The following MCC variants were observed in gnomAD, a reference collection of about 807,000 sequenced individuals.
The protein encoded by MCC is colorectal mutant cancer protein.
A neutral mutation model predicts 116.2 loss-of-function variants in MCC; 90 were observed. The ratio of observed to expected loss-of-function variants is 0.77; its 90% CI spans 0.65 to 0.92. The LOEUF is 0.92. MCC is among the 40% of genes least tolerant of loss of function. The pLI is 0.00. For missense variants in MCC, 1,516 were observed against 1,312.2 expected, an observed-to-expected ratio of 1.16 and a Z score of -2.40; for synonymous variants, 578 against 510.5, an observed-to-expected ratio of 1.13 and a Z score of -1.78.
intron 6 of MCC, among the ~76,000 whole-genome samples, chr5:113,108,782 G>A (rs192733705): frequency 3.4e-4 from 52 of 152,224 alleles, no homozygotes; most frequent in Non-Finnish European, 6.3e-4. Context: ...TCAAACCAAT[G>A]AGGGCTACAC....
intron 11 of MCC, among the ~76,000 whole-genome samples, chr5:113,073,492 C>T (rs768585033): frequency 1.8e-4 from 27 of 152,160 alleles, no homozygotes; most frequent in Non-Finnish European, 2.4e-4. Context: ...AAAATTTGTC[C>T]GTGGCATCAA....
intron 3 of MCC, among the ~76,000 whole-genome samples, chr5:113,167,611 A>C (rs1224518712): frequency 6.6e-6 from 1 of 151,990 alleles, no homozygotes; most frequent in East Asian, 1.9e-4. Flanking sequence ...ACCTACAACC[A>C]CCACCTTCCC....
At chr5:113,315,837 C>T (rs1767266575) in intron 3 of MCC, among the ~76,000 whole-genome samples, 1 of 151,974 alleles carries the variant, frequency 6.6e-6, no homozygotes, top group Non-Finnish European at 1.5e-5. Context: ...ATGATCACAC[C>T]ACTGCGCTCC....
At position 113,434,730 on chromosome 5, in the gene MCC, T is replaced by C. The variant is rs1481376872; in HGVS notation, c.171-49518A>G. On this transcript the variant is annotated intron_variant, in intron 1 of 18. Transcript: ENST00000408903. This position sits in a 1 kb window ranked among gnomAD's most constrained non-coding sequence, Gnocchi z 4.2. ...GCGGTCGATGATCTTGATCGCCACA[T>C]TGAACTTCAGGCGCTCAGAGTAAGC... The C allele has an allele frequency of 1.9e-6, 3 of 1,614,092 alleles. No individual in the cohort carries two copies. Among genetic ancestry groups the C allele is most frequent in the African/African-American group, 1.3e-5 (1 of 75,048 alleles).
chr5:113,421,238 C>T (rs538999174), intron 1 of MCC, among the ~76,000 whole-genome samples: 2 of 152,078 alleles, frequency 1.3e-5, no homozygotes, highest in East Asian at 3.9e-4. Context: ...GTTGTTCAGG[C>T]TGGTCCTGAA....
intron 3 of MCC, among the ~76,000 whole-genome samples, chr5:113,209,123 T>C (rs1669002206): frequency 1.3e-5 from 2 of 152,208 alleles, no homozygotes; most frequent in South Asian, 4.1e-4. Context: ...AGTGAGATTA[T>C]ATTCTGTTTA....
chr5:113,382,651 A>G (rs570496135), intron 2 of MCC, among the ~76,000 whole-genome samples: 1 of 152,298 alleles, frequency 6.6e-6, no homozygotes, highest in East Asian at 1.9e-4. Context: ...GGTAATAATA[A>G]TAAGAATATT....
intron 1 of MCC, among the ~76,000 whole-genome samples, chr5:113,440,379 AC>A (rs1770999148): frequency 1.3e-5 from 2 of 151,528 alleles, no homozygotes; most frequent in Admixed American, 1.3e-4. Flanking sequence ...TACACCCTCC[AC>A]CCACCCCCAG....
intron 3 of MCC, among the ~76,000 whole-genome samples, chr5:113,256,310 T>G (rs1314582688): frequency 6.6e-6 from 1 of 152,166 alleles, no homozygotes; most frequent in Non-Finnish European, 1.5e-5. Flanking sequence ...ATTAAATGAG[T>G]ATCTACTATA....
chr5:113,123,260 G>C (rs997677538), intron 5 of MCC, among the ~76,000 whole-genome samples: 1 of 152,250 alleles, frequency 6.6e-6, no homozygotes, highest in Non-Finnish European at 1.5e-5. Context: ...CTTCTTGAAG[G>C]AGGCTGGAGG....
At chr5:113,160,425 C>A (rs984043341) in intron 3 of MCC, among the ~76,000 whole-genome samples, 1 of 152,218 alleles carries the variant, frequency 6.6e-6, no homozygotes, top group Non-Finnish European at 1.5e-5. Context: ...ATATAACATG[C>A]ATTTTTCTCA....
intron 5 of MCC, among the ~76,000 whole-genome samples, chr5:113,134,747 G>T (rs926278513): frequency 7.3e-5 from 11 of 151,600 alleles, no homozygotes; most frequent in Non-Finnish European, 1.6e-4. Context: ...AAAATCAGAC[G>T]TTGGTGATGA....
chr5:113,138,080 G>A (rs529917065), intron 5 of MCC, among the ~76,000 whole-genome samples: 7 of 151,290 alleles, frequency 4.6e-5, no homozygotes, highest in South Asian at 2.1e-4. Context: ...GCAGTGGTGC[G>A]ACCTTGGCTC....
intron 6 of MCC, among the ~76,000 whole-genome samples, chr5:113,105,904 C>T (rs928457484): frequency 6.6e-6 from 1 of 152,220 alleles, no homozygotes; most frequent in Non-Finnish European, 1.5e-5. Flanking sequence ...ATGATCAAGA[C>T]TGATGTGCTC....
chr5:113,128,002 G>A (rs948215218), intron 5 of MCC, among the ~76,000 whole-genome samples: 1 of 152,116 alleles, frequency 6.6e-6, no homozygotes, highest in Admixed American at 6.5e-5. Context: ...CATGACTGAA[G>A]GAAAAGATAT....
chr5:113,264,543 T>C (rs1235360052), intron 3 of MCC, among the ~76,000 whole-genome samples: 4 of 152,114 alleles, frequency 2.6e-5, no homozygotes, highest in Non-Finnish European at 5.9e-5. Flanking sequence ...TCAGCTATTA[T>C]AAAAGTAAAC....
At chr5:113,241,329 A>G (rs1764356318) in intron 3 of MCC, among the ~76,000 whole-genome samples, 1 of 152,216 alleles carries the variant, frequency 6.6e-6, no homozygotes, top group Non-Finnish European at 1.5e-5. Flanking sequence ...ATAGCAGAGG[A>G]GTGATTTCAA....
rs138476235 is a variant in MCC at position 113,282,941 on chromosome 5, T to A, written c.627+57578A>T. ...CCTCTTTGAAGACTGTGAAATCACA[T>A]GTTGGTGGAAAACTGTTACTCTTCA... On this transcript the variant is annotated intron_variant, in intron 3 of 18. Coordinates refer to ENST00000408903, the MANE Select transcript of MCC (RefSeq NM_001085377.2). Among the ~76,000 whole-genome samples, 28 of 152,356 alleles carry A rather than the reference T, an allele frequency of 1.8e-4. No homozygotes were observed. In the East Asian group the frequency reaches 5.4e-3, roughly 29 times the overall value.
At chr5:113,111,711 C>T (rs946005780) in intron 6 of MCC, among the ~76,000 whole-genome samples, 3 of 152,154 alleles carry the variant, frequency 2.0e-5, no homozygotes, top group Admixed American at 6.5e-5. Flanking sequence ...TATCGTTACA[C>T]GTCATTTCAT....
Sources: gnomAD v4.1 joint callset for allele counts (sites outside exome capture counted in the v4.1 genomes callset) on GRCh38, gnomAD v4.1.1 for gene constraint, Gnocchi (gnomAD v3.1) non-coding constraint, MANE v1.5 for transcripts, NCBI Gene and HGNC (gene_info 2026-07-23, HGNC 2026-07-21) for gene names.